Variants in FDFT1 observed in about 807,000 individuals in gnomAD.
FDFT1 encodes farnesyl-diphosphate farnesyltransferase 1.
A neutral mutation model predicts 46.8 loss-of-function variants in FDFT1; 68 were observed. The observed-to-expected ratio is 1.45, with a 90% CI of 1.19 to 1.78. The LOEUF (loss-of-function observed/expected upper bound fraction) is 1.78. Ranked by LOEUF, FDFT1 falls within the 40% of genes most tolerant of loss-of-function variation. The pLI, the probability that FDFT1 is intolerant of heterozygous loss-of-function variation, is 0.00. For synonymous variants in FDFT1, 351 were observed against 185.1 expected, an observed-to-expected ratio of 1.90 and a Z score of -7.28; for missense variants, 928 against 524.4, an observed-to-expected ratio of 1.77 and a Z score of -7.52.
intron 3 of FDFT1, among the ~76,000 whole-genome samples, chr8:11,818,475 A>C (rs1346571497): frequency 6.6e-6 from 1 of 152,196 alleles, no homozygotes; most frequent in East Asian, 1.9e-4. Context: ...AGACTCGCAC[A>C]CAATAATAAT....
At chr8:11,809,118 G>C (rs1358187289) in intron 2 of FDFT1, 31 of 1,305,424 alleles carry the variant, frequency 2.4e-5, no homozygotes, top group Middle Eastern at 2.9e-4. Context: ...GGGGGGAGGG[G>C]GTGATGTTTA....
At position 11,830,158 on chromosome 8, in the gene FDFT1, C is replaced by T. The variant is rs751424935; in HGVS notation, c.703-86C>T. The T allele has an allele frequency of 2.4e-4, 274 of 1,127,026 alleles. 3 individuals are homozygous for T. The Middle Eastern group carries it at 4.4e-3, about 18-fold the overall frequency. The allele number at this position is 1,127,026 out of a possible 1,614,324, so 69.8% of individuals were successfully genotyped here. ...ACGGCGCCCAGCCTGTATCATAGTT[C>T]TTATGCACAAAGACCCTTTAATATT... On this transcript the variant is annotated intron_variant, in intron 5 of 7. Transcript: ENST00000220584.
chr8:11,826,440 A>G (rs556004891), intron 5 of FDFT1, among the ~76,000 whole-genome samples: 4 of 152,274 alleles, frequency 2.6e-5, no homozygotes, highest in African/African-American at 9.6e-5. Context: ...GCTGTCCTTG[A>G]TTTCTTTCAG....
Position 11,803,530 on chromosome 8 carries a change from G to C in FDFT1, c.99+599G>C, listed in dbSNP as rs1250448335. ...GTGGTTGGTGGAAGGTCAGAACTTG[G>C]TTTTACTTAGATTTTTATCTGCCTC... On this transcript the variant is annotated intron_variant, in intron 1 of 7. Coordinates refer to ENST00000220584, the MANE Select transcript of FDFT1 (RefSeq NM_004462.5). 2.6e-5 allele frequency: 31 copies of C among 1,189,256 alleles called. No individual in the cohort carries two copies. The East Asian group carries it at 4.1e-4, about 16-fold the overall frequency. The allele number at this position is 1,189,256 out of a possible 1,614,324, so 73.7% of individuals were successfully genotyped here. A position where few individuals can be genotyped will look rare whatever the true frequency, so the allele number is the denominator to read the frequency against.
chr8:11,801,131 TG>T (rs1806077060), upstream of FDFT1, among the ~76,000 whole-genome samples: 2 of 152,044 alleles, frequency 1.3e-5, no homozygotes, highest in Non-Finnish European at 2.9e-5. Context: ...AGCCAGTATC[TG>T]GGGGATAGTG....
chr8:11,806,145 G>C (rs1806798290), intron 1 of FDFT1, among the ~76,000 whole-genome samples: 1 of 152,108 alleles, frequency 6.6e-6, no homozygotes, highest in Admixed American at 6.5e-5. Flanking sequence ...CCCTTCCTGG[G>C]AGTCTGGTCT....
intron 4 of FDFT1, 69 bp downstream of exon 4, chr8:11,821,947 C>G (rs147321316): frequency 5.1e-6 from 8 of 1,564,884 alleles, no homozygotes; most frequent in Middle Eastern, 1.7e-4. Flanking sequence ...TAGTGAAGCT[C>G]AGAACAAGAA....
At chr8:11,800,339 A>G (rs921371045), upstream of FDFT1, among the ~76,000 whole-genome samples, 1 of 142,842 alleles carries the variant, frequency 7.0e-6, no homozygotes, top group African/African-American at 2.5e-5. Context: ...TACTTCCTGC[A>G]GAAAGGGTAC....
intron 1 of FDFT1, 35 bp from the exon 2 acceptor site, chr8:11,808,759 C>T (rs780719018): frequency 6.5e-5 from 105 of 1,608,236 alleles, no homozygotes; most frequent in Admixed American, 1.0e-4. Context: ...TGCTCCTCGA[C>T]GTCTCCCACC....
intron 7 of FDFT1, 70 bp from the exon 8 acceptor site, chr8:11,838,318 G>A (rs1811820716): frequency 8.5e-7 from 1 of 1,179,868 alleles, no homozygotes; most frequent in Non-Finnish European, 1.3e-6. Context: ...GCCAGTGGAG[G>A]GTTGTTGTAA....
Position 11,830,360 on chromosome 8 carries a change from C to A in FDFT1, c.819C>A (p.Val273=). The A allele has an allele frequency of 6.2e-7, 1 of 1,613,872 alleles. No individual in the cohort carries two copies. Among genetic ancestry groups the A allele is most frequent in the South Asian group, 1.1e-5 (1 of 91,074 alleles). Residue 273 remains valine, a synonymous_variant, in exon 6 of 8, where the codon GTC becomes GTA. Coordinates refer to ENST00000220584, the MANE Select transcript of FDFT1 (RefSeq NM_004462.5). ...ATGCACTGCACCACATCCCAGATGT[C>A]ATCACCTACCTTTCGAGACTCAGAA... The part of the protein sequence containing the change: ...ITNALHHIPD[V]ITYLSRLRNQ...
In FDFT1 at chr8:11,808,902, G is replaced by C. The variant is rs371021374; in HGVS notation, c.197+11G>C. The C allele has an allele frequency of 6.2e-7, 1 of 1,611,976 alleles. No homozygotes were observed. The highest frequency in any genetic ancestry group is 8.5e-7 in the Non-Finnish European group (1 of 1,179,162). ...GGATGGGGAAATGCGGTGAGTGATG[G>C]AGGCAGCGCCTCTGGCTTGGAGGAA... On this transcript the variant is annotated intron_variant, in intron 2 of 7. Transcript: ENST00000220584.
At chr8:11,808,743 C>G (rs897289625) in intron 1 of FDFT1, 51 bp from the exon 2 acceptor site, 19 of 1,234,610 alleles carry the variant, frequency 1.5e-5, no homozygotes, top group Non-Finnish European at 2.1e-5. Context: ...CTCCCACTCC[C>G]ACTCCTGCTC....
upstream of FDFT1, among the ~76,000 whole-genome samples, chr8:11,801,164 C>T (rs987785601): frequency 9.9e-5 from 15 of 152,130 alleles, no homozygotes; most frequent in Middle Eastern, 3.4e-3. Context: ...AACAGCTAGA[C>T]AAAAAGTCCT....
At chr8:11,821,278 T>G (rs1809200374) in intron 3 of FDFT1, among the ~76,000 whole-genome samples, 1 of 152,194 alleles carries the variant, frequency 6.6e-6, no homozygotes. Flanking sequence ...TATTTTAATA[T>G]TTATGAAATT....
chr8:11,819,486 A>G (rs1331014603), intron 3 of FDFT1, among the ~76,000 whole-genome samples: 1 of 152,174 alleles, frequency 6.6e-6, no homozygotes, highest in Non-Finnish European at 1.5e-5. Context: ...CAGGTACAAC[A>G]ATCATAGCAT....
intron 4 of FDFT1, among the ~76,000 whole-genome samples, chr8:11,824,227 T>TA (rs55657849): frequency 0.034 from 5,219 of 152,240 alleles, 111 homozygotes; most frequent in African/African-American, 0.058. Context: ...TTAAGTTAAC[T>TA]AATAGACAAT....
intron 3 of FDFT1, among the ~76,000 whole-genome samples, chr8:11,815,766 C>G (rs954524066): frequency 2.0e-5 from 3 of 152,092 alleles, no homozygotes; most frequent in African/African-American, 7.2e-5. Context: ...ATTCTGGATA[C>G]TACCCTTTGT....
At chr8:11,815,935 C>G (rs1427154777) in intron 3 of FDFT1, among the ~76,000 whole-genome samples, 1 of 152,190 alleles carries the variant, frequency 6.6e-6, no homozygotes, top group African/African-American at 2.4e-5. Flanking sequence ...GTCATGAAGT[C>G]TTTGCCCATG....
Sources: allele counts gnomAD v4.1 joint callset (sites outside exome capture counted in the v4.1 genomes callset), GRCh38; gene constraint gnomAD v4.1.1; transcripts MANE v1.5; gene names NCBI Gene and HGNC (gene_info 2026-07-23, HGNC 2026-07-21).